TENM2: variants seen among roughly 807,000 people sequenced by gnomAD.
TENM2 encodes the protein teneurin transmembrane protein 2.
In TENM2, 52 loss-of-function variants were observed where a neutral mutation model predicts 245.2. The observed-to-expected ratio is 0.21, with a 90% CI of 0.17 to 0.27. TENM2 has a LOEUF of 0.27. TENM2 is among the 10% of genes least tolerant of loss of function. TENM2 has a pLI of 1.00. For synonymous variants in TENM2, 1,363 were observed against 1,438.9 expected (o/e 0.95, Z 1.19); for missense variants, 3,046 against 3,666.8 (o/e 0.83, Z 4.37).
chr5:168,179,984 T>G (rs913732463), intron 13 of TENM2, among the ~76,000 whole-genome samples: 6 of 152,162 alleles, frequency 3.9e-5, no homozygotes, highest in African/African-American at 1.2e-4. Flanking sequence ...CACTCTAAAA[T>G]GCACTGGCCT....
chr5:167,045,279 G>T, the TENM2 span, among the ~76,000 whole-genome samples: 1 of 152,142 alleles, frequency 6.6e-6, no homozygotes, highest in Non-Finnish European at 1.5e-5. Flanking sequence ...CTGTTCTTCA[G>T]TTTCCTTATC....
chr5:168,211,701 T>A, intron 19 of TENM2, 33 bp from the exon 22 acceptor site: 2 of 1,271,132 alleles, frequency 1.6e-6, no homozygotes, highest in South Asian at 2.8e-5. Context: ...TAACTGTTTG[T>A]TCTTTTTTCC....
intron 2 of TENM2, among the ~76,000 whole-genome samples, chr5:167,651,940 T>C (rs17068911): frequency 0.027 from 4,182 of 152,310 alleles, 138 homozygotes; most frequent in East Asian, 0.12. Flanking sequence ...AGAATGCAGA[T>C]GGCATATTTG....
chr5:168,143,760 G>A (rs910553540), intron 12 of TENM2, among the ~76,000 whole-genome samples: 1 of 151,932 alleles, frequency 6.6e-6, no homozygotes, highest in Non-Finnish European at 1.5e-5. Flanking sequence ...GTGGGGCAAG[G>A]GCATGAGAGT....
intron 12 of TENM2, among the ~76,000 whole-genome samples, chr5:168,141,125 G>A (rs1344163578): frequency 6.6e-6 from 1 of 152,032 alleles, no homozygotes; most frequent in African/African-American, 2.4e-5. Flanking sequence ...AGAATTCCTT[G>A]GGCTTTGCAG....
intron 6 of TENM2, among the ~76,000 whole-genome samples, chr5:168,050,533 A>G (rs994118657): frequency 2.6e-5 from 4 of 152,188 alleles, no homozygotes; most frequent in South Asian, 2.1e-4. Context: ...ACCAAGATAC[A>G]CCACACATTG....
At chr5:167,417,817 G>A (rs1392290971) in intron 2 of TENM2, among the ~76,000 whole-genome samples, 1 of 152,150 alleles carries the variant, frequency 6.6e-6, no homozygotes, top group Admixed American at 6.6e-5. Context: ...CTGGCTACAC[G>A]TGGTTGTGTT....
chr5:167,296,200 CAA>C (rs931156428), intron 1 of TENM2: 1 of 152,208 alleles, frequency 6.6e-6, no homozygotes, highest in Non-Finnish European at 1.5e-5. Flanking sequence ...GCCAGACCCA[CAA>C]AATGTGAAGC....
At chr5:167,304,721 T>A (rs575092882) in intron 1 of TENM2, among the ~76,000 whole-genome samples, 157 of 152,280 alleles carry the variant, frequency 1.0e-3, no homozygotes, top group Non-Finnish European at 1.7e-3. Context: ...ACATGACAGT[T>A]GCAAAAATAT....
At chr5:167,996,600 A>T (rs1451077806) in intron 5 of TENM2, among the ~76,000 whole-genome samples, 2 of 152,146 alleles carry the variant, frequency 1.3e-5, no homozygotes, top group African/African-American at 2.4e-5. Flanking sequence ...AAAGTATTTT[A>T]TTACCAACCT....
chr5:167,561,402 T>C (rs1343892888), intron 2 of TENM2, among the ~76,000 whole-genome samples: 2 of 152,164 alleles, frequency 1.3e-5, no homozygotes, highest in East Asian at 1.9e-4. Context: ...TTAATTTCAC[T>C]CCATTCTGGG....
At chr5:167,609,488 C>CAAAAAA (rs5873049) in intron 2 of TENM2, among the ~76,000 whole-genome samples, 186 of 36,406 alleles carry the variant, frequency 5.1e-3, no homozygotes, top group East Asian at 8.2e-3. Context: ...CCTGATGATG[C>CAAAAAA]AAAAAAAAAA....
At chr5:167,514,259 C>A (rs1320444114) in intron 2 of TENM2, among the ~76,000 whole-genome samples, 2 of 152,128 alleles carry the variant, frequency 1.3e-5, no homozygotes, top group Non-Finnish European at 2.9e-5. Flanking sequence ...CCTTAAGGAG[C>A]CAACCATACT....
intron 2 of TENM2, among the ~76,000 whole-genome samples, chr5:167,471,162 C>T (rs931420600): frequency 2.0e-5 from 3 of 152,172 alleles, no homozygotes; most frequent in African/African-American, 7.2e-5. Context: ...GATGTGGCTA[C>T]TTTATGACAT....
At position 168,097,976 on chromosome 5, in the gene TENM2, G is replaced by A. The variant is rs767979571; in HGVS notation, c.1712-50G>A. On this transcript the variant is annotated intron_variant, in intron 8 of 28. Transcript: ENST00000518659. ...GCAAGTTACTGACGGTTAAATTACT[G>A]CACCAGTAGACAGAGGAAAAGGTAA... 1.9e-5 allele frequency: 26 copies of A among 1,396,724 alleles called. No individual in the cohort carries two copies. The Admixed American group carries it at 4.6e-4, about 25-fold the overall frequency. The allele number at this position is 1,396,724 out of a possible 1,614,324, so 86.5% of individuals were successfully genotyped here.
chr5:167,274,107 A>G, the TENM2 span, among the ~76,000 whole-genome samples: 1 of 152,146 alleles, frequency 6.6e-6, no homozygotes, highest in Non-Finnish European at 1.5e-5. Context: ...TTTCCATCAC[A>G]AAGTTGATTC....
At chr5:167,865,324 G>T (rs1418140084) in intron 2 of TENM2, among the ~76,000 whole-genome samples, 1 of 151,710 alleles carries the variant, frequency 6.6e-6, no homozygotes, top group South Asian at 2.1e-4. Flanking sequence ...TGCAGTCCAG[G>T]CCAGAGTGGC....
chr5:168,020,438 C>T (rs1258019608), intron 5 of TENM2, among the ~76,000 whole-genome samples: 1 of 152,202 alleles, frequency 6.6e-6, no homozygotes, highest in African/African-American at 2.4e-5. Context: ...CATGCTCCTG[C>T]AAGGCATTTT....
chr5:167,327,444 A>G (rs764641887), intron 1 of TENM2, among the ~76,000 whole-genome samples: 11 of 152,228 alleles, frequency 7.2e-5, no homozygotes, highest in Non-Finnish European at 1.3e-4. Context: ...TTAAATATGA[A>G]ATATAGTCAC....
Sources: gnomAD v4.1 joint callset for allele counts (sites outside exome capture counted in the v4.1 genomes callset) on GRCh38, gnomAD v4.1.1 for gene constraint, MANE v1.5 for transcripts, NCBI Gene and HGNC (gene_info 2026-07-23, HGNC 2026-07-21) for gene names.